Variants in ALAS1 observed in about 807,000 individuals in gnomAD.
ALAS1 encodes 5'-aminolevulinate synthase 1, also known as 5-aminolevulinate synthase, non-specific, mitochondrial.
A neutral mutation model predicts 59.6 loss-of-function variants in ALAS1; 29 were observed. The observed-to-expected ratio is 0.49, with a 90% confidence interval of 0.36 to 0.66. The LOEUF is 0.66. Among genes scored for constraint, ALAS1 ranks in the 30% least tolerant of loss-of-function variants. ALAS1 has a pLI of 0.00. For missense variants in ALAS1, 690 were observed against 807.5 expected, an observed-to-expected ratio of 0.85 and a Z score of 1.76; for synonymous variants, 299 against 296.6, an observed-to-expected ratio of 1.01 and a Z score of -0.08.
chr3:52,207,549 C>T (rs1450939922), intron 8 of ALAS1, among the ~76,000 whole-genome samples: 2 of 151,566 alleles, frequency 1.3e-5, no homozygotes, highest in African/African-American at 4.9e-5. Flanking sequence ...AATTATGTGT[C>T]ACAGGGTGTT....
intron 3 of ALAS1, 82 bp downstream of exon 3, chr3:52,199,522 G>C (rs758212508): frequency 7.4e-7 from 1 of 1,355,310 alleles, no homozygotes; most frequent in Non-Finnish European, 1.0e-6. Flanking sequence ...CAGTGGTGGT[G>C]AGGGTCACAC....
Position 52,202,663 on chromosome 3 carries a change from G to A in ALAS1, c.356G>A (p.Gly119Asp), listed in dbSNP as rs1423358307. 1 of 1,614,222 alleles carries A rather than the reference G, an allele frequency of 6.2e-7. No individual in the cohort carries two copies. Among genetic ancestry groups the A allele is most frequent in the Non-Finnish European group, 8.5e-7 (1 of 1,180,050 alleles). The change falls in exon 4 of 12, where the codon GGC becomes GAC. Residue 119 changes from glycine (G) to aspartate (D), a missense_variant. Transcript: ENST00000484952. ...CTGGCAGCACAGATGAATCAGAGAGGCAGCAGTGTCTTCTGCAAAGCCAGT... is the reference window on the plus strand; with the variant it reads ...CTGGCAGCACAGATGAATCAGAGAGACAGCAGTGTCTTCTGCAAAGCCAGT... ...PFLAAQMNQR[G>D]SSVFCKASLE... is the part of the protein sequence containing the mutation.
At chr3:52,211,198 G>A in intron 9 of ALAS1, 85 bp from the exon 10 acceptor site, 3 of 1,485,968 alleles carry the variant, frequency 2.0e-6, no homozygotes, top group Middle Eastern at 3.8e-4. Flanking sequence ...AAAAGTCAGT[G>A]CTTTGAGGCT....
intron 11 of ALAS1, among the ~76,000 whole-genome samples, chr3:52,213,063 C>T (rs1017789486): frequency 7.2e-5 from 11 of 152,132 alleles, no homozygotes; most frequent in Non-Finnish European, 1.6e-4. Context: ...GCTGTCCCTC[C>T]GGAGTCCACC....
At chr3:52,208,365 A>G (rs1396444735) in intron 9 of ALAS1, 118 bp downstream of exon 9, 3 of 1,171,242 alleles carry the variant, frequency 2.6e-6, no homozygotes, top group Admixed American at 2.4e-5. Context: ...AGCCTGGGCC[A>G]CTCTTTCTTT....
intron 9 of ALAS1, among the ~76,000 whole-genome samples, chr3:52,210,819 C>T (rs1040200171): frequency 6.6e-6 from 1 of 152,044 alleles, no homozygotes; most frequent in Non-Finnish European, 1.5e-5. Flanking sequence ...TATAGTCATG[C>T]ATTGCTTAAC....
intron 11 of ALAS1, among the ~76,000 whole-genome samples, chr3:52,213,242 A>C (rs1043891974): frequency 2.0e-5 from 3 of 152,216 alleles, no homozygotes; most frequent in Non-Finnish European, 4.4e-5. Flanking sequence ...GAAGGGGGCT[A>C]TTAGCCACAG....
At chr3:52,206,920 C>T (rs187348260) in intron 8 of ALAS1, among the ~76,000 whole-genome samples, 169 bp downstream of exon 8, 5 of 152,078 alleles carry the variant, frequency 3.3e-5, no homozygotes, top group Middle Eastern at 3.4e-3. Flanking sequence ...CTGCAAGCTC[C>T]GCCTCCCGGG....
At chr3:52,209,539 T>C (rs889300422) in intron 9 of ALAS1, among the ~76,000 whole-genome samples, 3 of 152,216 alleles carry the variant, frequency 2.0e-5, no homozygotes, top group African/African-American at 7.2e-5. Context: ...TGTCTCCTGA[T>C]GTGGGCTCTT....
chr3:52,201,431 G>A (rs1699183646), intron 3 of ALAS1, among the ~76,000 whole-genome samples: 1 of 152,166 alleles, frequency 6.6e-6, no homozygotes, highest in African/African-American at 2.4e-5. Flanking sequence ...GCAACAGCAA[G>A]CCTCTTTGTC....
At chr3:52,201,651 G>A (rs922081163) in intron 3 of ALAS1, among the ~76,000 whole-genome samples, 3 of 152,192 alleles carry the variant, frequency 2.0e-5, no homozygotes, top group Non-Finnish European at 4.4e-5. Flanking sequence ...CAAGCTACTT[G>A]GAGAGCTAAG....
intron 9 of ALAS1, 51 bp from the exon 10 acceptor site, chr3:52,211,232 T>G (rs1481744040): frequency 6.3e-7 from 1 of 1,593,906 alleles, no homozygotes; most frequent in South Asian, 1.1e-5. Flanking sequence ...CTGTGTCCAT[T>G]TAGAGCAATT....
At chr3:52,211,127 A>G (rs1465023191) in intron 9 of ALAS1, among the ~76,000 whole-genome samples, 156 bp from the exon 10 acceptor site, 1 of 152,248 alleles carries the variant, frequency 6.6e-6, no homozygotes, top group Admixed American at 6.5e-5. Context: ...TGACTGAGAC[A>G]TCATTAATGT....
rs1559877202 is a variant in ALAS1, at chr3:52,212,191, G to A, written c.1600-67G>A. 12 of 1,468,618 alleles carry A rather than the reference G, an allele frequency of 8.2e-6. No homozygotes were observed. The East Asian group carries it at 9.1e-5, about 11-fold the overall frequency. The allele number at this position is 1,468,618 out of a possible 1,614,324, so 91.0% of individuals were successfully genotyped here. ...CCTGAGCGTTGTGGGGACTGCGTTC[G>A]TTAGGATCTCTGCTAAGAGGTAGTC... On this transcript the variant is annotated intron_variant, in intron 10 of 11. Coordinates refer to ENST00000484952, the MANE Select transcript of ALAS1 (RefSeq NM_000688.6).
chr3:52,204,025 G>A lies in ALAS1; in HGVS notation c.577+13G>A, dbSNP rs761371261. ...AACTTGCCAAAATGTAAGTCTCATT[G>A]TTATTTGCCTGATGTAGAAAAGAAT... On this transcript the variant is annotated intron_variant, in intron 5 of 11. Transcript: ENST00000484952. The A allele has an allele frequency of 6.3e-6, 10 of 1,590,112 alleles. No homozygotes were observed. Among genetic ancestry groups the A allele is most frequent in the African/African-American group, 1.4e-5 (1 of 73,898 alleles).
chr3:52,204,766 A>C lies in ALAS1; in HGVS notation c.651A>C (p.Arg217=), dbSNP rs1345380319. Residue 217 remains arginine (R), a synonymous_variant, in exon 6 of 12, where the codon CGA becomes CGC. Coordinates refer to ENST00000484952, the MANE Select transcript of ALAS1 (RefSeq NM_000688.6). ...IDEKKNDHTY[R]VFKTVNRRAH... ...AGAAAAAGAATGACCACACCTATCGAGTTTTTAAAACTGTGAACCGGCGAG... is the reference window on the plus strand; with the variant it reads ...AGAAAAAGAATGACCACACCTATCGCGTTTTTAAAACTGTGAACCGGCGAG... 1 of 1,614,178 alleles carries C rather than the reference A, an allele frequency of 6.2e-7. No homozygotes were observed.
chr3:52,209,119 G>A (rs1264940178), intron 9 of ALAS1, among the ~76,000 whole-genome samples: 1 of 152,236 alleles, frequency 6.6e-6, no homozygotes, highest in East Asian at 1.9e-4. Context: ...ACCTAGTGCA[G>A]ACCCAGAAAG....
chr3:52,198,667 C>A lies in ALAS1; in HGVS notation c.-209-5C>A. 2 of 801,908 alleles carry A rather than the reference C, an allele frequency of 2.5e-6. No individual in the cohort carries two copies. The highest frequency in any genetic ancestry group is 1.6e-5 in the South Asian group (1 of 62,314). The allele number at this position is 801,908 out of a possible 1,614,324, so 49.7% of individuals were successfully genotyped here. A position where few individuals can be genotyped will look rare whatever the true frequency, so the allele number is the denominator to read the frequency against. The stretch of plus-strand genomic sequence containing the variant: ...CTACCCTCATTTGTGCCCCTCCTTT[C>A]TCAGTTATGCCCAGTTCTTCCCGCT... On this transcript the variant is annotated splice_polypyrimidine_tract_variant and splice_region_variant and intron_variant, in intron 1 of 11. Transcript: ENST00000484952.
At chr3:52,213,033 C>T (rs1032378239) in intron 11 of ALAS1, among the ~76,000 whole-genome samples, 2 of 152,158 alleles carry the variant, frequency 1.3e-5, no homozygotes, top group Non-Finnish European at 2.9e-5. Flanking sequence ...GAGAAGAGGC[C>T]TCTGAAGGCT....
Sources: allele counts gnomAD v4.1 joint callset (sites outside exome capture counted in the v4.1 genomes callset), GRCh38; gene constraint gnomAD v4.1.1; transcripts MANE v1.5; gene names NCBI Gene and HGNC (gene_info 2026-07-23, HGNC 2026-07-21).